Variants in ZNF469 observed in about 807,000 individuals in gnomAD.
ZNF469 encodes the protein zinc finger protein 469.
ZNF469 carries 1 observed loss-of-function variant against 1.0 expected under a neutral mutation model. That is an observed-to-expected ratio of 1.00 (90% CI 0.35 to 4.73). The LOEUF is 4.73. Among genes scored for constraint, ZNF469 ranks in the 30% most tolerant of loss-of-function variants. ZNF469 has a pLI of 0.16. For synonymous variants in ZNF469, 2,703 were observed against 2,363.4 expected (o/e 1.14, Z -4.17); for missense variants, 6,100 against 5,356.3 (o/e 1.14, Z -4.33).
At chr16:88,273,994 G>C in the ZNF469 span, among the ~76,000 whole-genome samples, 73 of 151,814 alleles carry the variant, frequency 4.8e-4, no homozygotes, top group African/African-American at 1.6e-3. Context: ...TAGTAGAGAC[G>C]GGGTTTCACC....
chr16:88,198,308 G>C, the ZNF469 span, among the ~76,000 whole-genome samples: 2 of 152,180 alleles, frequency 1.3e-5, no homozygotes, highest in Admixed American at 1.3e-4. Context: ...CCTCCCCAGC[G>C]GGGGACTTTG....
intron 1 of ZNF469, among the ~76,000 whole-genome samples, chr16:88,413,958 G>C (rs1905241731): frequency 6.6e-6 from 1 of 152,214 alleles, no homozygotes; most frequent in Non-Finnish European, 1.5e-5. Flanking sequence ...ACCAAGAGGG[G>C]TGAGGAGAAG....
At chr16:88,161,325 C>T in the ZNF469 span, among the ~76,000 whole-genome samples, 34 of 152,196 alleles carry the variant, frequency 2.2e-4, no homozygotes, top group Non-Finnish European at 2.5e-4. Flanking sequence ...TCTCCCTAAA[C>T]GGCGACGATC....
At chr16:88,321,340 C>T in the ZNF469 span, among the ~76,000 whole-genome samples, 2 of 152,280 alleles carry the variant, frequency 1.3e-5, no homozygotes, top group Non-Finnish European at 2.9e-5. Flanking sequence ...GCCCGTAAGG[C>T]CTTGCCTGAT....
chr16:88,305,420 G>A, the ZNF469 span, among the ~76,000 whole-genome samples: 1 of 125,180 alleles, frequency 8.0e-6, no homozygotes, highest in Non-Finnish European at 1.6e-5. Flanking sequence ...AGGCACACAT[G>A]CACGCCCTCA....
At chr16:88,208,632 G>GTA in the ZNF469 span, among the ~76,000 whole-genome samples, 1 of 82,442 alleles carries the variant, frequency 1.2e-5, no homozygotes, top group Non-Finnish European at 2.4e-5. Flanking sequence ...GAAGTGGGAG[G>GTA]GAGAGAAGAA....
the ZNF469 span, among the ~76,000 whole-genome samples, chr16:88,267,143 C>T: frequency 2.0e-5 from 3 of 152,234 alleles, no homozygotes; most frequent in East Asian, 1.9e-4. Context: ...CCTCCATCGG[C>T]GCCCTCACTC....
the ZNF469 span, among the ~76,000 whole-genome samples, chr16:88,172,435 T>C: frequency 1.3e-5 from 2 of 152,186 alleles, no homozygotes; most frequent in Admixed American, 1.3e-4. Flanking sequence ...CTAAGGCTGT[T>C]TTGGACCCAC....
At chr16:88,392,376 C>T (rs1005664351) in intron 1 of ZNF469, among the ~76,000 whole-genome samples, 2 of 152,246 alleles carry the variant, frequency 1.3e-5, no homozygotes, top group Non-Finnish European at 2.9e-5. Context: ...GCGTAGGTGC[C>T]TCCTCCCCAG....
intron 1 of ZNF469, among the ~76,000 whole-genome samples, chr16:88,394,423 C>T (rs1035071831): frequency 4.6e-5 from 7 of 152,240 alleles, no homozygotes; most frequent in East Asian, 1.9e-4. Flanking sequence ...CCGGCATAAC[C>T]GCAATAGTTT....
chr16:88,223,360 C>A, the ZNF469 span, among the ~76,000 whole-genome samples: 1 of 152,236 alleles, frequency 6.6e-6, no homozygotes, highest in Non-Finnish European at 1.5e-5. Context: ...TTTGCCTTCC[C>A]TCCCCAGACA....
Position 88,430,556 on chromosome 16 carries a change from G to A in ZNF469, c.3086G>A (p.Arg1029Gln), listed in dbSNP as rs1488433718. ...PEETRSSRRR[R>Q]LPPRKDPRKR... The stretch of plus-strand genomic sequence containing the variant: ...GAGACCCGCAGCTCCCGGCGCCGCC[G>A]GCTGCCCCCCAGGAAGGACCCCAGG... The change falls in exon 3 of 3, where the codon CGG (arginine) becomes CAG (glutamine). Residue 1029 changes from arginine (R) to glutamine (Q), a missense_variant. Physicochemically the swap from Arg to Gln is conservative, Grantham distance 43. Coordinates refer to ENST00000565624, the MANE Select transcript of ZNF469 (RefSeq NM_001367624.2). 4 of 1,471,570 alleles carry A rather than the reference G, an allele frequency of 2.7e-6. No individual in the cohort carries two copies. Among genetic ancestry groups the A allele is most frequent in the South Asian group, 1.3e-5 (1 of 76,042 alleles). 91.2% of individuals were successfully genotyped at this position (1,471,570 alleles called of 1,614,324 possible). A position where few individuals can be genotyped will look rare whatever the true frequency, so the allele number is the denominator to read the frequency against.
intron 1 of ZNF469, among the ~76,000 whole-genome samples, chr16:88,390,297 G>A (rs913814300): frequency 2.0e-5 from 3 of 152,142 alleles, no homozygotes; most frequent in Non-Finnish European, 4.4e-5. Context: ...TGGGAGTAGG[G>A]GCACCCACCA....
At chr16:88,204,246 G>A in the ZNF469 span, among the ~76,000 whole-genome samples, 1 of 151,602 alleles carries the variant, frequency 6.6e-6, no homozygotes, top group Non-Finnish European at 1.5e-5. Context: ...TAGAGCAGCG[G>A]GAGGCGCACC....
the ZNF469 span, among the ~76,000 whole-genome samples, chr16:88,363,392 G>A: frequency 3.9e-5 from 6 of 152,220 alleles, no homozygotes; most frequent in African/African-American, 1.4e-4. Context: ...AAGCATTTAA[G>A]TTGGATAAAC....
At chr16:88,280,091 G>T in the ZNF469 span, among the ~76,000 whole-genome samples, 2 of 151,624 alleles carry the variant, frequency 1.3e-5, no homozygotes, top group South Asian at 4.2e-4. Flanking sequence ...TCGGTACCGT[G>T]TACATATCAG....
At chr16:88,398,246 A>C (rs1445111969) in intron 1 of ZNF469, among the ~76,000 whole-genome samples, 4 of 151,236 alleles carry the variant, frequency 2.6e-5, no homozygotes, top group Non-Finnish European at 5.9e-5. Context: ...CAGGCCACAC[A>C]CGCAAGACAC....
At chr16:88,136,258 C>T in the ZNF469 span, among the ~76,000 whole-genome samples, 3 of 152,208 alleles carry the variant, frequency 2.0e-5, no homozygotes, top group African/African-American at 4.8e-5. Flanking sequence ...TCCAGCCTGG[C>T]CCCTGCCCTC....
the ZNF469 span, among the ~76,000 whole-genome samples, chr16:88,369,336 C>T: frequency 5.3e-5 from 8 of 152,210 alleles, no homozygotes; most frequent in Admixed American, 2.6e-4. Flanking sequence ...TGCAAATCCA[C>T]CTGTTGGGAC....
Sources: allele counts gnomAD v4.1 joint callset (sites outside exome capture counted in the v4.1 genomes callset), GRCh38; gene constraint gnomAD v4.1.1; transcripts MANE v1.5; gene names NCBI Gene and HGNC (gene_info 2026-07-23, HGNC 2026-07-21).